CUX1: variants seen among roughly 807,000 people sequenced by gnomAD.
CUX1 encodes the protein protein CASP.
In CUX1, 31 loss-of-function variants were observed where a neutral mutation model predicts 158.8. That is an observed-to-expected ratio of 0.20 (90% CI 0.15 to 0.26). The LOEUF (loss-of-function observed/expected upper bound fraction) is 0.26. Ranked by LOEUF, CUX1 falls within the 10% of genes least tolerant of loss-of-function variation. CUX1 has a pLI of 1.00. For synonymous variants in CUX1, 879 were observed against 862.1 expected, an observed-to-expected ratio of 1.02 and a Z score of -0.34; for missense variants, 1,589 against 2,014.6, an observed-to-expected ratio of 0.79 and a Z score of 4.04.
chr7:101,976,728 C>T (rs958652742), intron 2 of CUX1, among the ~76,000 whole-genome samples: 6 of 151,948 alleles, frequency 3.9e-5, no homozygotes, highest in East Asian at 3.8e-4. Flanking sequence ...GGATCCAGTG[C>T]GTCTCATTAT....
At chr7:101,895,580 T>TC (rs1801377259) in intron 1 of CUX1, among the ~76,000 whole-genome samples, 2 of 152,204 alleles carry the variant, frequency 1.3e-5, no homozygotes, top group South Asian at 4.2e-4. Context: ...CCGGTGTCTG[T>TC]CCCATAGATA....
intron 22 of CUX1, among the ~76,000 whole-genome samples, chr7:102,235,549 A>G (rs1308615898): frequency 6.6e-6 from 1 of 152,058 alleles, no homozygotes; most frequent in Non-Finnish European, 1.5e-5. Context: ...GAAAAATACA[A>G]AAATCAGCCA....
At chr7:102,060,290 T>C (rs1265255295) in intron 3 of CUX1, among the ~76,000 whole-genome samples, 1 of 149,246 alleles carries the variant, frequency 6.7e-6, no homozygotes, top group Non-Finnish European at 1.5e-5. Flanking sequence ...AAAAAAAAAA[T>C]GTTGCTTAGG....
chr7:102,103,397 CTCTT>C (rs1446642420), intron 5 of CUX1, among the ~76,000 whole-genome samples: 4 of 151,366 alleles, frequency 2.6e-5, no homozygotes, highest in Admixed American at 6.6e-5. Flanking sequence ...CTGTCTCCCT[CTCTT>C]TCTTTTGCTC....
At chr7:102,272,540 A>G (rs1791292004) in intron 14 of CUX1, among the ~76,000 whole-genome samples, 2 of 152,200 alleles carry the variant, frequency 1.3e-5, no homozygotes, top group African/African-American at 4.8e-5. Flanking sequence ...TGGGACCAGA[A>G]AGGGGGATCC....
intron 1 of CUX1, chr7:101,822,453 G>A (rs1000810304): frequency 2.4e-4 from 36 of 152,268 alleles, no homozygotes; most frequent in African/African-American, 7.2e-4. Flanking sequence ...TGCAGGAAAT[G>A]AACCAGGACT....
intron 3 of CUX1, among the ~76,000 whole-genome samples, chr7:102,044,118 G>T (rs1217246340): frequency 1.3e-5 from 2 of 152,070 alleles, no homozygotes; most frequent in African/African-American, 2.4e-5. Flanking sequence ...CAAAGTTTTT[G>T]GGATTACGTG....
Position 102,196,971 on chromosome 7 carries a change from A to G in CUX1, c.1560A>G (p.Gln520=). 1.9e-6 allele frequency: 3 copies of G among 1,614,176 alleles called. No individual in the cohort carries two copies. The highest frequency in any genetic ancestry group is 1.7e-6 in the Non-Finnish European group (2 of 1,180,020). The change falls in exon 15 of 24, where the codon CAA becomes CAG. Residue 520 remains glutamine, a synonymous_variant. Coordinates refer to ENST00000292535, the MANE Select transcript of CUX1 (RefSeq NM_181552.4). ...ACAGCACAAACTCCATATCTTCCCA[A>G]AGTCCATTACAACAAAGCCCAGATG... ...GPYSTNSISS[Q]SPLQQSPDVN...
intron 2 of CUX1, among the ~76,000 whole-genome samples, chr7:102,012,080 C>T (rs1419279095): frequency 6.6e-6 from 1 of 152,050 alleles, no homozygotes; most frequent in African/African-American, 2.4e-5. Flanking sequence ...AGAAAGGACT[C>T]TTTGAAAGGG....
Position 102,250,343 on chromosome 7 carries a change from ATCTC to A in CUX1, c.*1307_*1310del. The A allele has an allele frequency of 1.0e-6, 1 of 985,402 alleles. No homozygotes were observed. The highest frequency in any genetic ancestry group is 4.7e-5 in the South Asian group (1 of 21,280). The allele number at this position is 985,402 out of a possible 1,614,324, so 61.0% of individuals were successfully genotyped here. A position where few individuals can be genotyped will look rare whatever the true frequency, so the allele number is the denominator to read the frequency against. On this transcript the variant is annotated 3_prime_UTR_variant, in exon 24 of 24. Transcript: ENST00000292535. ...TCCCCAAGTAGATAGCAGTCTACGG[ATCTC>A]TCTCTGGCACAGAAGGCACCTCACC...
At chr7:102,159,004 A>C (rs966004792) in intron 9 of CUX1, among the ~76,000 whole-genome samples, 3 of 149,116 alleles carry the variant, frequency 2.0e-5, no homozygotes, top group African/African-American at 4.9e-5. Flanking sequence ...GTGTTATCCT[A>C]GGAGAGTTCC....
intron 2 of CUX1, among the ~76,000 whole-genome samples, chr7:101,997,928 T>C (rs1816174591): frequency 1.3e-5 from 2 of 151,104 alleles, no homozygotes; most frequent in African/African-American, 2.5e-5. Context: ...GAGCAGTCCT[T>C]GCTGGCCTGA....
At chr7:101,826,233 C>G (rs1793278621) in intron 1 of CUX1, among the ~76,000 whole-genome samples, 1 of 151,904 alleles carries the variant, frequency 6.6e-6, no homozygotes, top group South Asian at 2.1e-4. Context: ...CAGGGTCTTG[C>G]TCTGTTGCCG....
intron 1 of CUX1, among the ~76,000 whole-genome samples, chr7:101,834,942 G>C (rs575686735): frequency 1.3e-5 from 2 of 152,180 alleles, no homozygotes; most frequent in South Asian, 4.2e-4. Context: ...GTTGCGGTGA[G>C]CCAAGATCTC....
At chr7:101,950,034 G>C (rs1475215466) in intron 2 of CUX1, among the ~76,000 whole-genome samples, 1 of 152,126 alleles carries the variant, frequency 6.6e-6, no homozygotes, top group Non-Finnish European at 1.5e-5. Flanking sequence ...TTGAGACAGA[G>C]TCTCACCCTG....
chr7:102,087,979 G>GA (rs781781698), intron 4 of CUX1, among the ~76,000 whole-genome samples: 14 of 150,238 alleles, frequency 9.3e-5, no homozygotes, highest in African/African-American at 3.2e-4. Flanking sequence ...TTCATCTGGG[G>GA]AAAAAATACC....
chr7:101,948,084 G>T (rs1808610279), intron 2 of CUX1, among the ~76,000 whole-genome samples: 1 of 152,126 alleles, frequency 6.6e-6, no homozygotes. Flanking sequence ...TTAACTCACA[G>T]GACGCCAGGC....
Position 102,197,348 on chromosome 7 carries a change from A to G in CUX1, c.1894+43A>G, listed in dbSNP as rs782168184. The G allele has an allele frequency of 1.3e-5, 20 of 1,585,414 alleles. No individual in the cohort carries two copies. In the South Asian group the frequency reaches 1.4e-4, roughly 11 times the overall value. ...GGTGGCGCCAGCGTGCGAGCCCGTC[A>G]CAGAGTTGCACATGTGTGTGTGCAT... is the stretch of plus-strand genomic sequence containing the variant. On this transcript the variant is annotated intron_variant, in intron 15 of 23. Transcript: ENST00000292535.
chr7:102,028,887 C>G (rs574626593), intron 3 of CUX1, among the ~76,000 whole-genome samples: 1 of 151,916 alleles, frequency 6.6e-6, no homozygotes, highest in South Asian at 2.1e-4. Context: ...TAGCTTCTCC[C>G]GACGGAAAAA....
Sources: gnomAD v4.1 joint callset for allele counts (sites outside exome capture counted in the v4.1 genomes callset) on GRCh38, gnomAD v4.1.1 for gene constraint, MANE v1.5 for transcripts, NCBI Gene and HGNC (gene_info 2026-07-23, HGNC 2026-07-21) for gene names.